The following ZDHHC11B variants were observed in gnomAD, a reference collection of about 807,000 sequenced individuals.
The protein encoded by ZDHHC11B is zDHHC palmitoyltransferase 11B (putative), also known as probable palmitoyltransferase ZDHHC11B.
A neutral mutation model predicts 42.3 loss-of-function variants in ZDHHC11B; 17 were observed. The ratio of observed to expected loss-of-function variants is 0.40; its 90% CI spans 0.27 to 0.60. The LOEUF (loss-of-function observed/expected upper bound fraction) is 0.60. ZDHHC11B is among the 20% of genes least tolerant of loss of function. The probability of loss-of-function intolerance (pLI) is 0.41; values close to 1 mark genes in which losing one functional copy is unlikely to be tolerated. For synonymous variants in ZDHHC11B, 123 were observed against 193.5 expected (o/e 0.64, Z 3.02); for missense variants, 262 against 463.2 (o/e 0.57, Z 3.99).
At chr5:730,819 G>A (rs1200093031) in intron 11 of ZDHHC11B, among the ~76,000 whole-genome samples, 4 of 151,732 alleles carry the variant, frequency 2.6e-5, no homozygotes, top group African/African-American at 7.3e-5. Flanking sequence ...TTTATGAAGG[G>A]GAGATTATAA....
chr5:756,836 C>A (rs1480986023), intron 4 of ZDHHC11B, among the ~76,000 whole-genome samples: 1 of 151,646 alleles, frequency 6.6e-6, no homozygotes, highest in African/African-American at 2.4e-5. Flanking sequence ...ACCCTCTCCC[C>A]GAGACTTGCT....
In ZDHHC11B at chr5:748,506, C is replaced by G. The variant is rs3817063; in HGVS notation, c.682G>C (p.Val228Leu). Reference protein sequence around the residue: ...LLFLPLFPVQVQTLIVVIIRM... With the variant: ...LLFLPLFPVQLQTLIVVIIRM... ...ATGATCACGACTATCAGAGTCTGCA[C>G]CTGCACCGGGAACAGGGGGAGGAAC... Residue 228 changes from valine (V) to leucine (L), a missense_variant, in exon 8 of 14, where the codon GTG becomes CTG. Transcript: ENST00000508859. 159,171 of 1,343,848 alleles carry G rather than the reference C, an allele frequency of 0.12. 27,429 individuals are homozygous for G. The highest frequency in any genetic ancestry group is 0.38 in the East Asian group (10,769 of 28,716). The allele number at this position is 1,343,848 out of a possible 1,614,324, so 83.2% of individuals were successfully genotyped here. A position where few individuals can be genotyped will look rare whatever the true frequency, so the allele number is the denominator to read the frequency against.
chr5:777,645 G>C lies in ZDHHC11B; in HGVS notation c.-230+7023C>G, dbSNP rs1212981615. The stretch of plus-strand genomic sequence containing the variant: ...CATTGTACAGGGAGCTAATTGGTCC[G>C]TTTTACAGAGCGTTGATTGGTCCAT... On this transcript the variant is annotated intron_variant, in intron 1 of 13. Coordinates refer to ENST00000508859, the MANE Select transcript of ZDHHC11B (RefSeq NM_001351303.2). Among the ~76,000 whole-genome samples the C allele has an allele frequency of 3.9e-5, 6 of 151,956 alleles. 1 individual carries two copies. The highest frequency in any genetic ancestry group is 8.8e-5 in the Non-Finnish European group (6 of 67,952).
intron 11 of ZDHHC11B, among the ~76,000 whole-genome samples, chr5:732,946 A>G (rs1743139942): frequency 6.6e-6 from 1 of 151,784 alleles, no homozygotes; most frequent in Admixed American, 6.6e-5. Context: ...ACTTTCGGCT[A>G]TTCGGGAGGC....
intron 8 of ZDHHC11B, among the ~76,000 whole-genome samples, chr5:745,681 G>T (rs187601226): frequency 6.7e-6 from 1 of 150,122 alleles, no homozygotes; most frequent in African/African-American, 2.4e-5. Flanking sequence ...TGCTGGCAGG[G>T]GTAAGAGGCC....
chr5:757,856 G>A (rs1734073365), intron 4 of ZDHHC11B, among the ~76,000 whole-genome samples: 1 of 151,850 alleles, frequency 6.6e-6, no homozygotes, highest in Non-Finnish European at 1.5e-5. Flanking sequence ...TGCAGCAACG[G>A]GGCCAGCCAG....
intron 13 of ZDHHC11B, among the ~76,000 whole-genome samples, chr5:712,729 G>A (rs537716243): frequency 6.6e-6 from 1 of 151,562 alleles, no homozygotes; most frequent in South Asian, 2.1e-4. Flanking sequence ...CTAATACGGT[G>A]AAACCCCGTC....
rs1285763108 is a variant in ZDHHC11B, at chr5:764,221, G to C, written c.222+2477C>G. Among the ~76,000 whole-genome samples, 2 of 151,992 alleles carry C rather than the reference G, an allele frequency of 1.3e-5. 1 individual carries two copies. The highest frequency in any genetic ancestry group is 1.3e-4 in the Admixed American group (2 of 15,260). On this transcript the variant is annotated intron_variant, in intron 4 of 13. Transcript: ENST00000508859. ...CAGTGGTGTTGAGAGGTGACAGCAC[G>C]CTGGCAGCCCTGGCAGCCCTCGCTC...
chr5:713,052 T>A (rs1741488078), intron 13 of ZDHHC11B, among the ~76,000 whole-genome samples: 1 of 151,058 alleles, frequency 6.6e-6, no homozygotes, highest in South Asian at 2.1e-4. Context: ...CTTCTAACAA[T>A]GTTGGCAAAT....
chr5:728,117 T>C (rs1742729581), intron 12 of ZDHHC11B, among the ~76,000 whole-genome samples: 1 of 151,806 alleles, frequency 6.6e-6, no homozygotes, highest in East Asian at 1.9e-4. Flanking sequence ...GAAAAGCTAA[T>C]TCATACAAGA....
chr5:724,371 AT>A (rs386402805), intron 12 of ZDHHC11B, among the ~76,000 whole-genome samples: 10,102 of 80,828 alleles, frequency 0.12, 325 homozygotes, highest in South Asian at 0.16. Flanking sequence ...AACCCAGCTA[AT>A]TTTTTTTTTT....
intron 10 of ZDHHC11B, among the ~76,000 whole-genome samples, 192 bp from the exon 11 acceptor site, chr5:734,031 G>T: frequency 6.8e-6 from 1 of 146,252 alleles, no homozygotes; most frequent in Non-Finnish European, 1.5e-5. Context: ...CACGTAAGAA[G>T]CTTCTCGTGT....
chr5:729,308 A>G (rs1742829996), intron 12 of ZDHHC11B, among the ~76,000 whole-genome samples: 1 of 151,120 alleles, frequency 6.6e-6, no homozygotes, highest in African/African-American at 2.4e-5. Context: ...CCCCCTGAGC[A>G]GCATGACCTA....
In ZDHHC11B at chr5:712,725, C is replaced by T. The variant is rs1309043255; in HGVS notation, c.*8-443G>A. ...GAGATCGAGACCTTCCTGGCTAATA[C>T]GGTGAAACCCCGTCTCTACTAAAAA... On this transcript the variant is annotated intron_variant, in intron 13 of 13. Transcript: ENST00000508859. Among the ~76,000 whole-genome samples the T allele has an allele frequency of 2.3e-4, 35 of 151,416 alleles. 1 individual carries two copies. Among genetic ancestry groups the T allele is most frequent in the Admixed American group, 4.0e-4 (6 of 15,164 alleles).
chr5:727,615 AG>A, intron 12 of ZDHHC11B, among the ~76,000 whole-genome samples: 1 of 142,298 alleles, frequency 7.0e-6, no homozygotes. Flanking sequence ...TCCACAAGGC[AG>A]AAATAAACGT....
At chr5:767,224 T>G (rs1264641382) in intron 3 of ZDHHC11B, among the ~76,000 whole-genome samples, 168 bp downstream of exon 3, 1 of 148,484 alleles carries the variant, frequency 6.7e-6, no homozygotes, top group African/African-American at 2.6e-5. Flanking sequence ...ACCTGGCCTG[T>G]GGCAGACCTG....
At chr5:715,553 T>C (rs1265385629) in intron 13 of ZDHHC11B, among the ~76,000 whole-genome samples, 1 of 151,398 alleles carries the variant, frequency 6.6e-6, no homozygotes, top group Non-Finnish European at 1.5e-5. Flanking sequence ...CTTGCAATCT[T>C]TCCACATCTC....
At chr5:723,471 C>CT (rs1251341758) in intron 12 of ZDHHC11B, among the ~76,000 whole-genome samples, 1 of 122,202 alleles carries the variant, frequency 8.2e-6, no homozygotes, top group African/African-American at 2.9e-5. Context: ...GAAACGAGGT[C>CT]TGTCTGATGC....
chr5:739,362 C>A (rs1411007119), intron 10 of ZDHHC11B, among the ~76,000 whole-genome samples: 2 of 151,426 alleles, frequency 1.3e-5, no homozygotes, highest in Non-Finnish European at 2.9e-5. Flanking sequence ...CATGCCCCTG[C>A]ACTCCAGCCT....
Sources: allele counts gnomAD v4.1 joint callset (sites outside exome capture counted in the v4.1 genomes callset), GRCh38; gene constraint gnomAD v4.1.1; transcripts MANE v1.5; gene names NCBI Gene and HGNC (gene_info 2026-07-23, HGNC 2026-07-21).